TLK1: variants seen among roughly 807,000 people sequenced by gnomAD.
TLK1 encodes tousled like kinase 1, also known as serine/threonine-protein kinase tousled-like 1.
In TLK1, 24 loss-of-function variants were observed where a neutral mutation model predicts 105.3. That is an observed-to-expected ratio of 0.23 (90% CI 0.17 to 0.32). The LOEUF is 0.32. TLK1 is among the 10% of genes least tolerant of loss of function. The pLI, the probability that TLK1 is intolerant of heterozygous loss-of-function variation, is 1.00. For missense variants in TLK1, 558 were observed against 910.5 expected, an observed-to-expected ratio of 0.61 and a Z score of 4.98; for synonymous variants, 321 against 310.4, an observed-to-expected ratio of 1.03 and a Z score of -0.36.
At chr2:171,149,426 C>T (rs1039641174) in intron 1 of TLK1, among the ~76,000 whole-genome samples, 4 of 151,884 alleles carry the variant, frequency 2.6e-5, no homozygotes, top group African/African-American at 9.7e-5. Flanking sequence ...AGTGGCAAAA[C>T]CCTTGAAACT....
At chr2:170,998,068 ATCT>A (rs1684155852) in intron 18 of TLK1, among the ~76,000 whole-genome samples, 1 of 76,402 alleles carries the variant, frequency 1.3e-5, no homozygotes, top group East Asian at 4.5e-4. Context: ...CTATCTATCT[ATCT>A]ATCTATCTAT....
intron 1 of TLK1, among the ~76,000 whole-genome samples, chr2:171,177,051 T>C (rs977832090): frequency 4.6e-5 from 7 of 152,202 alleles, no homozygotes; most frequent in African/African-American, 1.7e-4. Context: ...CAGGCTGGTC[T>C]TGAACTCCTG....
chr2:171,023,435 A>C (rs1685624089), intron 12 of TLK1, among the ~76,000 whole-genome samples: 1 of 152,018 alleles, frequency 6.6e-6, no homozygotes, highest in Non-Finnish European at 1.5e-5. Context: ...ACACACACAC[A>C]CACCAAAACA....
At chr2:171,078,556 C>T (rs760513045) in intron 3 of TLK1, among the ~76,000 whole-genome samples, 4 of 151,718 alleles carry the variant, frequency 2.6e-5, no homozygotes, top group Non-Finnish European at 5.9e-5. Flanking sequence ...AAAAAAAAAT[C>T]TAATGAAATC....
chr2:171,183,401 C>T (rs1322455832), intron 1 of TLK1, among the ~76,000 whole-genome samples: 1 of 152,130 alleles, frequency 6.6e-6, no homozygotes, highest in East Asian at 1.9e-4. Context: ...CTAATACTCC[C>T]TGATAGTGAA....
At chr2:171,172,102 A>G (rs1692741075) in intron 1 of TLK1, among the ~76,000 whole-genome samples, 2 of 152,386 alleles carry the variant, frequency 1.3e-5, no homozygotes, top group East Asian at 3.9e-4. Context: ...ACAAATCACA[A>G]CTAAACACAA....
In TLK1 at chr2:171,160,455, C is replaced by G; in HGVS notation, c.-27G>C. On this transcript the variant is annotated 5_prime_UTR_variant, in exon 1 of 21. Coordinates refer to ENST00000431350, the MANE Select transcript of TLK1 (RefSeq NM_012290.5). This position sits in a 1 kb window ranked among gnomAD's most constrained non-coding sequence, Gnocchi z 4.4. ...AAGCTACTTTCTGGGAACCCGACTC[C>G]CCCCCTGCGACGGCAGCGGCGGCAA... The G allele has an allele frequency of 6.3e-7, 1 of 1,584,480 alleles. No homozygotes were observed. The highest frequency in any genetic ancestry group is 8.6e-7 in the Non-Finnish European group (1 of 1,168,324).
chr2:171,017,263 G>A (rs1685253655), intron 12 of TLK1, among the ~76,000 whole-genome samples: 1 of 152,090 alleles, frequency 6.6e-6, no homozygotes, highest in African/African-American at 2.4e-5. Flanking sequence ...TTCTAATCTA[G>A]ACTAGAATCT....
intron 12 of TLK1, among the ~76,000 whole-genome samples, chr2:171,023,473 C>T (rs867749950): frequency 6.6e-6 from 1 of 151,900 alleles, no homozygotes; most frequent in Non-Finnish European, 1.5e-5. Flanking sequence ...CCCTACTACA[C>T]TATTTAATAC....
In TLK1 at chr2:171,023,088, G is replaced by C; in HGVS notation, c.1236+5251C>G. ...TTTGCAGGTGCCAATATCGGTCAGAGAACAGGATTTCAGTGGCAGAGTTGT... is the reference window on the plus strand; with the variant it reads ...TTTGCAGGTGCCAATATCGGTCAGACAACAGGATTTCAGTGGCAGAGTTGT... On this transcript the variant is annotated intron_variant, in intron 12 of 20. Coordinates refer to ENST00000431350, the MANE Select transcript of TLK1 (RefSeq NM_012290.5). The C allele has an allele frequency of 4.2e-6, 2 of 471,156 alleles. 1 individual carries two copies. The highest frequency in any genetic ancestry group is 3.1e-5 in the South Asian group (2 of 64,572). 29.2% of individuals were successfully genotyped at this position (471,156 alleles called of 1,614,324 possible).
intron 1 of TLK1, among the ~76,000 whole-genome samples, chr2:171,230,114 A>C (rs566525904): frequency 6.6e-6 from 1 of 152,312 alleles, no homozygotes; most frequent in South Asian, 2.1e-4. Context: ...CCACCATCTA[A>C]CTCTTTTTAT....
intron 11 of TLK1, among the ~76,000 whole-genome samples, chr2:171,036,834 G>A (rs1204851225): frequency 1.3e-5 from 2 of 152,160 alleles, no homozygotes; most frequent in East Asian, 3.9e-4. Context: ...CTGTAATGGG[G>A]ATGTTGAGAT....
intron 1 of TLK1, among the ~76,000 whole-genome samples, chr2:171,215,681 A>T (rs762340896): frequency 2.0e-5 from 3 of 152,234 alleles, no homozygotes; most frequent in Non-Finnish European, 4.4e-5. Flanking sequence ...GTTGTCCAAA[A>T]GAAGAAATAT....
chr2:171,016,064 G>A (rs563368402), intron 12 of TLK1, among the ~76,000 whole-genome samples: 11 of 152,160 alleles, frequency 7.2e-5, no homozygotes, highest in Admixed American at 5.2e-4. Flanking sequence ...GGCAACAAGA[G>A]GGAAACTCCA....
intron 1 of TLK1, among the ~76,000 whole-genome samples, chr2:171,196,930 A>T (rs1226558601): frequency 6.6e-6 from 1 of 152,222 alleles, no homozygotes; most frequent in East Asian, 1.9e-4. Flanking sequence ...TTACTTTCAT[A>T]GTCTTTTTCA....
chr2:171,110,504 G>A (rs1450004831), intron 2 of TLK1, among the ~76,000 whole-genome samples: 1 of 152,024 alleles, frequency 6.6e-6, no homozygotes, highest in Non-Finnish European at 1.5e-5. Context: ...AAAAAGAAGT[G>A]GTTATCTTCA....
At chr2:171,188,115 T>C (rs1693070783) in intron 1 of TLK1, among the ~76,000 whole-genome samples, 1 of 152,212 alleles carries the variant, frequency 6.6e-6, no homozygotes, top group Non-Finnish European at 1.5e-5. Context: ...AATTCACTCA[T>C]CCCTTATGTC....
Position 171,149,152 on chromosome 2 carries a change from G to A in TLK1, c.139+11138C>T, listed in dbSNP as rs143034693. 9.1e-4 allele frequency among the ~76,000 whole-genome samples: 110 copies of A among 120,220 alleles called. 1 individual carries two copies. Among genetic ancestry groups the A allele is most frequent in the African/African-American group, 3.4e-3 (106 of 30,762 alleles). The allele number at this position is 120,220 out of a possible 152,430, so 78.9% of individuals were successfully genotyped here. A position where few individuals can be genotyped will look rare whatever the true frequency, so the allele number is the denominator to read the frequency against. On this transcript the variant is annotated intron_variant, in intron 1 of 20. Coordinates refer to ENST00000431350, the MANE Select transcript of TLK1 (RefSeq NM_012290.5). ...ATTTCTAAGATTTTCCTTACTGGGA[G>A]TAAATAAATTGTATTTCTCTCTAGC...
intron 2 of TLK1, among the ~76,000 whole-genome samples, chr2:171,109,361 G>A (rs992550632): frequency 4.6e-5 from 7 of 151,998 alleles, no homozygotes; most frequent in African/African-American, 1.7e-4. Context: ...AGGAAACAAA[G>A]GTAATTATGA....
Sources: gnomAD v4.1 joint callset for allele counts (sites outside exome capture counted in the v4.1 genomes callset) on GRCh38, gnomAD v4.1.1 for gene constraint, Gnocchi (gnomAD v3.1) non-coding constraint, MANE v1.5 for transcripts, NCBI Gene and HGNC (gene_info 2026-07-23, HGNC 2026-07-21) for gene names.